The following SMARCA2 variants were observed in gnomAD, a reference collection of about 807,000 sequenced individuals.
SMARCA2 encodes the protein SWI/SNF-related matrix-associated actin-dependent regulator of chromatin subfamily A member 2.
Under a neutral mutation model 199.8 loss-of-function variants are expected in SMARCA2, and 61 were observed. The ratio of observed to expected loss-of-function variants is 0.31; its 90% CI spans 0.25 to 0.38. The LOEUF is 0.38. Among genes scored for constraint, SMARCA2 ranks in the 10% least tolerant of loss-of-function variants. The pLI is 1.00. For synonymous variants in SMARCA2, 935 were observed against 732.0 expected (o/e 1.28, Z -4.48); for missense variants, 1,344 against 2,012.2 (o/e 0.67, Z 6.35).
rs538357711 is a variant in SMARCA2 at position 2,154,279 on chromosome 9, ATGG to A, written c.3982-7402_3982-7400del. On this transcript the variant is annotated intron_variant, in intron 27 of 33. Coordinates refer to ENST00000349721, the MANE Select transcript of SMARCA2 (RefSeq NM_003070.5). Reference sequence around the variant, plus strand: ...GTTGCTGCTGCTGCTGGCAGGGACAATGGTGGTAGTAGTAGTAGCTGCATCAGT... The same window carrying A: ...GTTGCTGCTGCTGCTGGCAGGGACAATGGTAGTAGTAGTAGCTGCATCAGT... Among the ~76,000 whole-genome samples the A allele has an allele frequency of 1.8e-3, 278 of 152,342 alleles. 1 individual carries two copies. Among genetic ancestry groups the A allele is most frequent in the South Asian group, 6.2e-3 (30 of 4,826 alleles).
intron 33 of SMARCA2, 179 bp from the exon 34 acceptor site, chr9:2,192,525 C>A: frequency 1.6e-6 from 1 of 640,114 alleles, no homozygotes; most frequent in Non-Finnish European, 2.8e-6. Context: ...AGAAAAACTT[C>A]TCAGCTTAGA....
chr9:2,161,644 T>A lies in SMARCA2; in HGVS notation c.3982-42T>A. ...ACACATACTTTTTTTGTCTTGGTTA[T>A]TCTCTTGTCTTGAATTTGTCTCCTT... On this transcript the variant is annotated intron_variant, in intron 27 of 33. Transcript: ENST00000349721. The surrounding 1 kb of genome is among the most constrained non-coding windows in gnomAD (Gnocchi z 4.7). 1.4e-6 allele frequency: 2 copies of A among 1,386,596 alleles called. No homozygotes were observed. Among genetic ancestry groups the A allele is most frequent in the South Asian group, 2.4e-5 (2 of 84,218 alleles). 85.9% of individuals were successfully genotyped at this position (1,386,596 alleles called of 1,614,324 possible).
chr9:2,087,142 C>A (rs1821834633), intron 18 of SMARCA2, 71 bp downstream of exon 18: 3 of 1,571,970 alleles, frequency 1.9e-6, no homozygotes, highest in Non-Finnish European at 2.6e-6. Context: ...AAGCTGAGAA[C>A]ATTAGAGCCA....
intron 1 of SMARCA2, among the ~76,000 whole-genome samples, chr9:2,020,327 C>G (rs912806671): frequency 1.3e-5 from 2 of 151,910 alleles, no homozygotes; most frequent in Non-Finnish European, 2.9e-5. Context: ...AATTTTCTGT[C>G]ATTTTTGGAA....
chr9:2,157,798 C>A, intron 27 of SMARCA2: 1 of 397,840 alleles, frequency 2.5e-6, no homozygotes, highest in East Asian at 3.6e-5. Context: ...CTGTGAACCA[C>A]GCATAACAGC....
Position 2,076,347 on chromosome 9 carries a change from C to G in SMARCA2, c.2036+18C>G. On this transcript the variant is annotated intron_variant, in intron 13 of 33. Coordinates refer to ENST00000349721, the MANE Select transcript of SMARCA2 (RefSeq NM_003070.5). The stretch of plus-strand genomic sequence containing the variant: ...ATCATTGAGTATGTACTGCATTTTT[C>G]CCTTGGAAATGCATTGCATGAGGAT... 1 of 1,421,782 alleles carries G rather than the reference C, an allele frequency of 7.0e-7. No individual in the cohort carries two copies. Among genetic ancestry groups the G allele is most frequent in the Non-Finnish European group, 9.9e-7 (1 of 1,008,682 alleles). 88.1% of individuals were successfully genotyped at this position (1,421,782 alleles called of 1,614,324 possible).
At chr9:2,071,584 C>CT (rs1348685802) in intron 10 of SMARCA2, among the ~76,000 whole-genome samples, 2 of 152,104 alleles carry the variant, frequency 1.3e-5, no homozygotes, top group African/African-American at 2.4e-5. Context: ...TGACATACAT[C>CT]TTTTTTTTCT....
intron 27 of SMARCA2, among the ~76,000 whole-genome samples, chr9:2,131,747 G>A (rs1284046551): frequency 6.6e-6 from 1 of 152,048 alleles, no homozygotes; most frequent in Non-Finnish European, 1.5e-5. Context: ...TTGGGAGGTC[G>A]AGGCCAGCAT....
chr9:2,037,368 C>T (rs137860165), intron 3 of SMARCA2, among the ~76,000 whole-genome samples: 20 of 152,320 alleles, frequency 1.3e-4, no homozygotes, highest in Middle Eastern at 3.4e-3. Context: ...TGTGCTTCCT[C>T]ACGGAGTAGG....
chr9:2,057,504 A>G (rs1820407588), intron 7 of SMARCA2, among the ~76,000 whole-genome samples: 1 of 152,230 alleles, frequency 6.6e-6, no homozygotes, highest in Non-Finnish European at 1.5e-5. Context: ...GGGTGGGCAT[A>G]GGTGGATTTC....
chr9:2,155,430 G>A (rs749164862), intron 27 of SMARCA2, among the ~76,000 whole-genome samples: 2 of 151,908 alleles, frequency 1.3e-5, no homozygotes, highest in African/African-American at 2.4e-5. Context: ...CTACAGGCAC[G>A]TGCCACCACA....
chr9:2,042,434 C>T (rs1014389001), intron 4 of SMARCA2: 4 of 152,152 alleles, frequency 2.6e-5, no homozygotes, highest in African/African-American at 9.7e-5. Flanking sequence ...GAGCTAGACT[C>T]AGTAATAAAA....
At chr9:2,063,735 G>T (rs1003409178) in intron 9 of SMARCA2, among the ~76,000 whole-genome samples, 14 of 50,110 alleles carry the variant, frequency 2.8e-4, no homozygotes, top group African/African-American at 8.6e-4. Flanking sequence ...TTAAACTAGT[G>T]TACAATTTTT....
chr9:2,130,169 T>C (rs1334918454), intron 27 of SMARCA2, among the ~76,000 whole-genome samples: 1 of 152,222 alleles, frequency 6.6e-6, no homozygotes, highest in African/African-American at 2.4e-5. Context: ...GATTCTTTAT[T>C]ATATAATAGG....
intron 4 of SMARCA2, among the ~76,000 whole-genome samples, chr9:2,046,871 G>T (rs1357517818): frequency 6.6e-6 from 1 of 152,190 alleles, no homozygotes; most frequent in East Asian, 1.9e-4. Context: ...TACATTAAAA[G>T]CTGGCAGTAG....
chr9:2,092,900 T>G (rs1446965994), intron 19 of SMARCA2, among the ~76,000 whole-genome samples: 2 of 152,208 alleles, frequency 1.3e-5, no homozygotes, highest in African/African-American at 4.8e-5. Flanking sequence ...TCACATTTTT[T>G]GGGGGATGAA....
At chr9:2,180,344 T>C (rs888891254) in intron 29 of SMARCA2, among the ~76,000 whole-genome samples, 7 of 152,196 alleles carry the variant, frequency 4.6e-5, no homozygotes, top group African/African-American at 1.7e-4. Flanking sequence ...CTTCAGCATT[T>C]TTTCCACTGG....
At chr9:2,050,050 T>G (rs1042720096) in intron 5 of SMARCA2, among the ~76,000 whole-genome samples, 1 of 152,234 alleles carries the variant, frequency 6.6e-6, no homozygotes, top group East Asian at 1.9e-4. Context: ...TGACAGGAAG[T>G]TTTCAGCATC....
At chr9:2,055,256 C>T (rs1820300737) in intron 6 of SMARCA2, among the ~76,000 whole-genome samples, 1 of 152,186 alleles carries the variant, frequency 6.6e-6, no homozygotes. Flanking sequence ...TCACATCAGG[C>T]TCATGTATTG....
Sources: allele counts gnomAD v4.1 joint callset (sites outside exome capture counted in the v4.1 genomes callset), GRCh38; gene constraint gnomAD v4.1.1; non-coding constraint Gnocchi (gnomAD v3.1); transcripts MANE v1.5; gene names NCBI Gene and HGNC (gene_info 2026-07-23, HGNC 2026-07-21).